The following ENTREP2 variants were observed in gnomAD, a reference collection of about 807,000 sequenced individuals.
ENTREP2 encodes endosomal transmembrane epsin interactor 2.
the ENTREP2 span, among the ~76,000 whole-genome samples, chr15:29,369,480 G>A: frequency 7.2e-5 from 11 of 151,866 alleles, no homozygotes; most frequent in South Asian, 2.1e-3. Flanking sequence ...ACTATCCCTC[G>A]AAAATGAAGA....
At chr15:29,655,625 G>A in the ENTREP2 span, among the ~76,000 whole-genome samples, 2 of 152,112 alleles carry the variant, frequency 1.3e-5, no homozygotes, top group South Asian at 2.1e-4. Context: ...ATATGTGAAA[G>A]GCTTGTGGAA....
At chr15:29,272,947 C>T in the ENTREP2 span, among the ~76,000 whole-genome samples, 1 of 152,012 alleles carries the variant, frequency 6.6e-6, no homozygotes, top group Non-Finnish European at 1.5e-5. Flanking sequence ...GTCAATTGTG[C>T]CAAAACTGCA....
chr15:29,324,054 A>T, the ENTREP2 span, among the ~76,000 whole-genome samples: 1 of 152,082 alleles, frequency 6.6e-6, no homozygotes, highest in Non-Finnish European at 1.5e-5. Flanking sequence ...AAGGGCAGGG[A>T]AAAAAAGGGA....
the ENTREP2 span, among the ~76,000 whole-genome samples, chr15:29,193,300 G>T: frequency 1.3e-5 from 2 of 152,156 alleles, no homozygotes; most frequent in African/African-American, 2.4e-5. Context: ...CACCCTCAAT[G>T]TTGGGGGGCA....
the ENTREP2 span, among the ~76,000 whole-genome samples, chr15:29,448,024 G>A: frequency 6.6e-6 from 1 of 151,986 alleles, no homozygotes; most frequent in Non-Finnish European, 1.5e-5. Flanking sequence ...GGGATTGAGT[G>A]CACTCTAGCA....
chr15:29,123,171 G>C, the ENTREP2 span: 1 of 662,122 alleles, frequency 1.5e-6, no homozygotes, highest in South Asian at 2.5e-5. Context: ...CTCGAGAGAG[G>C]GGGTAACAGT....
chr15:29,215,728 T>C, the ENTREP2 span, among the ~76,000 whole-genome samples: 1 of 152,116 alleles, frequency 6.6e-6, no homozygotes. Flanking sequence ...CCCTGCTCCC[T>C]TTTGGTGTCA....
At chr15:29,310,503 T>G in the ENTREP2 span, among the ~76,000 whole-genome samples, 1 of 152,070 alleles carries the variant, frequency 6.6e-6, no homozygotes, top group Admixed American at 6.5e-5. Flanking sequence ...CTGGGGGATC[T>G]CCCCACCCTG....
chr15:29,290,424 C>A, the ENTREP2 span, among the ~76,000 whole-genome samples: 2 of 152,156 alleles, frequency 1.3e-5, no homozygotes, highest in Admixed American at 6.5e-5. Flanking sequence ...ATTCAGGTAT[C>A]ACCCCATGTC....
the ENTREP2 span, among the ~76,000 whole-genome samples, chr15:29,293,313 C>CA: frequency 6.6e-6 from 1 of 152,006 alleles, no homozygotes; most frequent in Non-Finnish European, 1.5e-5. Context: ...TGCAGTGGCA[C>CA]AATCTCGGCT....
chr15:29,281,355 G>C, the ENTREP2 span, among the ~76,000 whole-genome samples: 2 of 152,278 alleles, frequency 1.3e-5, no homozygotes, highest in South Asian at 4.1e-4. Flanking sequence ...TAAGTGACGG[G>C]TTTAGGAGTG....
At chr15:29,204,543 C>T in the ENTREP2 span, among the ~76,000 whole-genome samples, 2 of 152,082 alleles carry the variant, frequency 1.3e-5, no homozygotes, top group African/African-American at 4.8e-5. Flanking sequence ...AGGCGCAGCA[C>T]GGGTGACAGA....
chr15:29,176,716 G>C, the ENTREP2 span, among the ~76,000 whole-genome samples: 1 of 152,164 alleles, frequency 6.6e-6, no homozygotes, highest in Non-Finnish European at 1.5e-5. Flanking sequence ...CGGGCCCCAG[G>C]AGGGGTTAGA....
the ENTREP2 span, among the ~76,000 whole-genome samples, chr15:29,344,926 GCGCAGACACACA>G: frequency 7.8e-6 from 1 of 127,560 alleles, no homozygotes; most frequent in African/African-American, 3.6e-5. Context: ...ACACGCACGC[GCGCAGACACACA>G]CACACACACA....
the ENTREP2 span, among the ~76,000 whole-genome samples, chr15:29,289,048 T>C: frequency 6.6e-6 from 1 of 151,190 alleles, no homozygotes; most frequent in East Asian, 2.0e-4. Flanking sequence ...CTACAAAAAA[T>C]TAGAAGAAAT....
the ENTREP2 span, among the ~76,000 whole-genome samples, chr15:29,212,167 C>G: frequency 8.5e-5 from 13 of 152,106 alleles, no homozygotes; most frequent in Non-Finnish European, 1.8e-4. Context: ...GGTTACTGTT[C>G]TGTTCAGGGT....
the ENTREP2 span, among the ~76,000 whole-genome samples, chr15:29,530,801 C>T: frequency 2.0e-5 from 3 of 152,228 alleles, no homozygotes; most frequent in South Asian, 6.2e-4. Flanking sequence ...CTTTCTATGA[C>T]TTCCATTTGG....
the ENTREP2 span, among the ~76,000 whole-genome samples, chr15:29,456,625 C>T: frequency 2.0e-5 from 3 of 152,138 alleles, no homozygotes; most frequent in African/African-American, 4.8e-5. Flanking sequence ...TGTTCACAGC[C>T]GCAGAGGGGA....
chr15:29,302,043 G>T, the ENTREP2 span, among the ~76,000 whole-genome samples: 13 of 152,164 alleles, frequency 8.5e-5, no homozygotes, highest in Non-Finnish European at 1.5e-4. Flanking sequence ...GTCTTTGTTT[G>T]TTAACTATGC....
Sources: gnomAD v4.1 joint callset for allele counts (sites outside exome capture counted in the v4.1 genomes callset) on GRCh38, gnomAD v4.1.1 for gene constraint, MANE v1.5 for transcripts, NCBI Gene and HGNC (gene_info 2026-07-23, HGNC 2026-07-21) for gene names.